CRTC1: variants seen among roughly 807,000 people sequenced by gnomAD.
CRTC1 encodes the protein CREB regulated transcription coactivator 1, also known as CREB-regulated transcription coactivator 1.
In CRTC1, 18 loss-of-function variants were observed where a neutral mutation model predicts 66.1. The observed-to-expected ratio is 0.27, with a 90% CI of 0.19 to 0.40. The LOEUF is 0.40. CRTC1 is among the 10% of genes least tolerant of loss of function. The pLI is 1.00. For synonymous variants in CRTC1, 416 were observed against 398.8 expected, an observed-to-expected ratio of 1.04 and a Z score of -0.51; for missense variants, 669 against 887.9, an observed-to-expected ratio of 0.75 and a Z score of 3.13.
chr19:18,752,524 G>C (rs1323490806), intron 5 of CRTC1, among the ~76,000 whole-genome samples: 1 of 152,092 alleles, frequency 6.6e-6, no homozygotes, highest in African/African-American at 2.4e-5. Context: ...TTGCCATGTT[G>C]CCCAGGGCAG....
chr19:18,687,577 G>A (rs558781410), intron 1 of CRTC1, among the ~76,000 whole-genome samples: 2 of 152,280 alleles, frequency 1.3e-5, no homozygotes, highest in African/African-American at 2.4e-5. Context: ...GCCATGGCGC[G>A]CTGCCTCCCA....
In CRTC1 at chr19:18,760,969, T is replaced by A. The variant is rs1328901841; in HGVS notation, c.886+741T>A. ...GCCACCAGCCATGGCTTCCTCCACT[T>A]GGGACCTCGCACGGCCCCCAGCTCC... is the stretch of plus-strand genomic sequence containing the variant. On this transcript the variant is annotated intron_variant, in intron 8 of 13. Coordinates refer to ENST00000321949, the MANE Select transcript of CRTC1 (RefSeq NM_015321.3). The surrounding 1 kb of genome is among the most constrained non-coding windows in gnomAD (Gnocchi z 6.2). Among the ~76,000 whole-genome samples the A allele has an allele frequency of 6.6e-6, 1 of 151,504 alleles. No individual in the cohort carries two copies. The highest frequency in any genetic ancestry group is 6.6e-5 in the Admixed American group (1 of 15,216).
chr19:18,698,094 G>A (rs914440196), intron 1 of CRTC1, among the ~76,000 whole-genome samples: 2 of 150,640 alleles, frequency 1.3e-5, no homozygotes, highest in African/African-American at 2.4e-5. Flanking sequence ...GCAGGCACAC[G>A]GTAGGTGCTC....
chr19:18,768,113 T>C lies in CRTC1; in HGVS notation c.1012-372T>C, dbSNP rs2054776189. Among the ~76,000 whole-genome samples, 2 of 152,160 alleles carry C rather than the reference T, an allele frequency of 1.3e-5. No homozygotes were observed. The highest frequency in any genetic ancestry group is 4.1e-4 in the South Asian group (2 of 4,834). ...TGGGAAGGCAAGGCCAGTGGATCAC[T>C]TGAGGTTTCCCCGCAGCACCCACAG... On this transcript the variant is annotated intron_variant, in intron 9 of 13. Coordinates refer to ENST00000321949, the MANE Select transcript of CRTC1 (RefSeq NM_015321.3). The surrounding 1 kb of genome is among the most constrained non-coding windows in gnomAD (Gnocchi z 5.6).
intron 2 of CRTC1, among the ~76,000 whole-genome samples, chr19:18,745,586 G>T (rs1386464270): frequency 3.9e-5 from 6 of 152,152 alleles, no homozygotes; most frequent in South Asian, 4.1e-4. Context: ...TGCACTGCAC[G>T]CCCCTGCCAC....
chr19:18,717,855 C>T (rs1280033822), intron 1 of CRTC1, among the ~76,000 whole-genome samples: 2 of 151,916 alleles, frequency 1.3e-5, no homozygotes, highest in Admixed American at 6.6e-5. Context: ...AGGAACAGTA[C>T]AAGCAGAGGG....
intron 1 of CRTC1, among the ~76,000 whole-genome samples, chr19:18,701,366 G>A (rs999605266): frequency 3.3e-5 from 5 of 152,244 alleles, no homozygotes; most frequent in Non-Finnish European, 7.3e-5. Context: ...ATGCATCCAC[G>A]CAAAGTGTCT....
At chr19:18,718,015 A>T (rs2053545642) in intron 1 of CRTC1, among the ~76,000 whole-genome samples, 1 of 152,178 alleles carries the variant, frequency 6.6e-6, no homozygotes, top group African/African-American at 2.4e-5. Context: ...AACACCACAT[A>T]ACATAAGATT....
chr19:18,749,409 T>C (rs965594441), intron 4 of CRTC1, among the ~76,000 whole-genome samples: 1 of 152,084 alleles, frequency 6.6e-6, no homozygotes, highest in Non-Finnish European at 1.5e-5. Flanking sequence ...GGCTCCTTCT[T>C]TGGGAGGTTT....
chr19:18,743,629 T>TG (rs76431394), intron 2 of CRTC1, among the ~76,000 whole-genome samples: 3,689 of 150,990 alleles, frequency 0.024, 149 homozygotes, highest in African/African-American at 0.079. Flanking sequence ...CAGGTCCCCC[T>TG]GGGGGGGGGT....
intron 1 of CRTC1, among the ~76,000 whole-genome samples, chr19:18,725,535 C>T (rs1199213769): frequency 2.6e-5 from 4 of 152,024 alleles, no homozygotes; most frequent in Admixed American, 6.5e-5. Context: ...CTGGGTTCAG[C>T]GTTGGAGAAG....
chr19:18,721,972 C>T (rs1439972329), intron 1 of CRTC1, among the ~76,000 whole-genome samples: 1 of 152,328 alleles, frequency 6.6e-6, no homozygotes, highest in Middle Eastern at 3.4e-3. Context: ...GGTGCTGTGA[C>T]GTACTTCACC....
rs915621607 is a variant in CRTC1 at position 18,739,217 on chromosome 19, G to A, written c.127-3693G>A. On this transcript the variant is annotated intron_variant, in intron 1 of 13. Transcript: ENST00000321949. ...GCTTGTTGACAGCCATGGGGATGGT[G>A]TGGAGATGGGACACCTGAGTCCCAG... Among the ~76,000 whole-genome samples, 6 of 152,250 alleles carry A rather than the reference G, an allele frequency of 3.9e-5. 1 individual carries two copies. The highest frequency in any genetic ancestry group is 1.4e-4 in the African/African-American group (6 of 41,470).
chr19:18,759,638 C>T, intron 7 of CRTC1, 47 bp downstream of exon 7: 1 of 1,588,058 alleles, frequency 6.3e-7, no homozygotes, highest in Non-Finnish European at 8.6e-7. Context: ...TGCTGCGCTG[C>T]TCCGTCCACC....
At chr19:18,767,211 T>G (rs1282039056) in intron 9 of CRTC1, among the ~76,000 whole-genome samples, 1 of 152,040 alleles carries the variant, frequency 6.6e-6, no homozygotes, top group Non-Finnish European at 1.5e-5. Flanking sequence ...ATTTAATTTT[T>G]TTTTTGAGAC....
intron 4 of CRTC1, among the ~76,000 whole-genome samples, chr19:18,747,844 A>G (rs753650922): frequency 3.9e-5 from 6 of 152,176 alleles, no homozygotes; most frequent in Non-Finnish European, 7.3e-5. Flanking sequence ...TTTGGAGACC[A>G]ACGCAGGCGA....
chr19:18,780,977 C>G lies in CRTC1; in HGVS notation c.*3595C>G, dbSNP rs1018529649. On this transcript the variant is annotated 3_prime_UTR_variant, in exon 14 of 14. Coordinates refer to ENST00000321949, the MANE Select transcript of CRTC1 (RefSeq NM_015321.3). The stretch of plus-strand genomic sequence containing the variant: ...CTGAGTTTTCTGTATTTCCAAGGAG[C>G]CCTCCGACCAGGGAGAGGCTGGTGG... The G allele has an allele frequency of 4.5e-6, 1 of 223,788 alleles. No homozygotes were observed. Among genetic ancestry groups the G allele is most frequent in the African/African-American group, 2.2e-5 (1 of 44,692 alleles). 13.9% of individuals were successfully genotyped at this position (223,788 alleles called of 1,614,324 possible).
chr19:18,769,429 T>C (rs1002015814), intron 10 of CRTC1, among the ~76,000 whole-genome samples: 1 of 152,234 alleles, frequency 6.6e-6, no homozygotes, highest in Non-Finnish European at 1.5e-5. Flanking sequence ...CAGGGACTTG[T>C]GTTCCGGGCA....
Position 18,759,556 on chromosome 19 carries a change from G to A in CRTC1, c.630G>A (p.Gly210=), listed in dbSNP as rs1424554760. ...SKQAWDTKKT[G]SRPKSCEVPG... ...TCTCCTGTCTTCTCTTTCAGACGGGGTCCAGGCCCAAGTCCTGTGAGGTCC... is the reference window on the plus strand; with the variant it reads ...TCTCCTGTCTTCTCTTTCAGACGGGATCCAGGCCCAAGTCCTGTGAGGTCC... The change falls in exon 7 of 14, where the codon GGG becomes GGA. Residue 210 remains glycine, a synonymous_variant. Transcript: ENST00000321949. 1.2e-6 allele frequency: 2 copies of A among 1,612,896 alleles called. No homozygotes were observed. The highest frequency in any genetic ancestry group is 1.1e-5 in the South Asian group (1 of 90,882).
Sources: allele counts gnomAD v4.1 joint callset (sites outside exome capture counted in the v4.1 genomes callset), GRCh38; gene constraint gnomAD v4.1.1; non-coding constraint Gnocchi (gnomAD v3.1); transcripts MANE v1.5; gene names NCBI Gene and HGNC (gene_info 2026-07-23, HGNC 2026-07-21).